The following ADD1 variants were observed in gnomAD, a reference collection of about 807,000 sequenced individuals.
ADD1 encodes the protein adducin 1, also known as alpha-adducin.
A neutral mutation model predicts 80.5 loss-of-function variants in ADD1; 24 were observed. The ratio of observed to expected loss-of-function variants is 0.30; its 90% CI spans 0.22 to 0.42. ADD1 has a LOEUF of 0.42. Ranked by LOEUF, ADD1 falls within the 10% of genes least tolerant of loss-of-function variation. The pLI, the probability that ADD1 is intolerant of heterozygous loss-of-function variation, is 1.00. For missense variants in ADD1, 948 were observed against 1,019.0 expected (o/e 0.93, Z 0.95); for synonymous variants, 373 against 393.8 (o/e 0.95, Z 0.63).
rs1553815102 is a variant in ADD1 at position 2,852,189 on chromosome 4, T to TTTCTTCCTTTCTTCCTTTCTTTC, written c.-21+8165_-21+8166insTTCTTCCTTTCTTCCTTTCTTTC. 2.7e-3 allele frequency among the ~76,000 whole-genome samples: 136 copies of TTTCTTCCTTTCTTCCTTTCTTTC among 50,830 alleles called. 2 individuals are homozygous for TTTCTTCCTTTCTTCCTTTCTTTC. Among genetic ancestry groups the TTTCTTCCTTTCTTCCTTTCTTTC allele is most frequent in the African/African-American group, 8.9e-3 (129 of 14,558 alleles). 33.3% of individuals were successfully genotyped at this position (50,830 alleles called of 152,430 possible). A position where few individuals can be genotyped will look rare whatever the true frequency, so the allele number is the denominator to read the frequency against. On this transcript the variant is annotated intron_variant, in intron 1 of 15. Coordinates refer to ENST00000683351, the MANE Select transcript of ADD1 (RefSeq NM_001354761.2). ...TTCTTTCTTTCTTTCTTTCTTTCTT[T>TTTCTTCCTTTCTTCCTTTCTTTC]CTTTCTTTCCTTTCTTTCCTTTCCT...
intron 14 of ADD1, among the ~76,000 whole-genome samples, chr4:2,919,658 T>C (rs914560008): frequency 2.6e-5 from 4 of 152,236 alleles, no homozygotes; most frequent in African/African-American, 9.6e-5. Flanking sequence ...TGGTAGTTCG[T>C]ATTTCTGTGG....
Position 2,928,453 on chromosome 4 carries a change from C to G in ADD1, c.2330C>G (p.Pro777Arg). ...AGCGATGGGTCTCCAGGCAAGTCCC[C>G]GTCCAAAAAGAAGAAGAAGTTCCGT... is the stretch of plus-strand genomic sequence containing the variant. ...PGSDGSPGKSPSKKKKKFRTP... is the reference protein window; with the variant it reads ...PGSDGSPGKSRSKKKKKFRTP... The change falls in exon 16 of 16, where the codon CCG (proline) becomes CGG (arginine). Residue 777 changes from proline (P) to arginine (R), a missense_variant. Pro to Arg is a moderately radical substitution (Grantham distance 103). Coordinates refer to ENST00000683351, the MANE Select transcript of ADD1 (RefSeq NM_001354761.2). 6.2e-7 allele frequency: 1 copy of G among 1,613,578 alleles called. No individual in the cohort carries two copies. Among genetic ancestry groups the G allele is most frequent in the Non-Finnish European group, 8.5e-7 (1 of 1,179,978 alleles).
intron 13 of ADD1, 84 bp downstream of exon 13, chr4:2,909,515 T>C (rs1237055820): frequency 2.2e-6 from 2 of 922,732 alleles, no homozygotes; most frequent in African/African-American, 1.9e-5. Flanking sequence ...CTTCAGGCAT[T>C]GTCTTAGTTA....
In ADD1 at chr4:2,927,975, G is replaced by A. The variant is rs148879918; in HGVS notation, c.2048-196G>A. On this transcript the variant is annotated intron_variant, in intron 15 of 15. Transcript: ENST00000683351. Reference sequence around the variant, plus strand: ...CAGAAGGAGCTAAAAACTACCCCGAGACTGAGTCTGTATTTTATGATATTA... The same window carrying A: ...CAGAAGGAGCTAAAAACTACCCCGAAACTGAGTCTGTATTTTATGATATTA... Among the ~76,000 whole-genome samples the A allele has an allele frequency of 9.9e-4, 151 of 152,282 alleles. 1 individual carries two copies. The highest frequency in any genetic ancestry group is 3.5e-3 in the Admixed American group (54 of 15,300).
chr4:2,926,072 C>T lies in ADD1; in HGVS notation c.2007C>T (p.Val669=), dbSNP rs1043288879. The T allele has an allele frequency of 1.9e-6, 3 of 1,614,128 alleles. No individual in the cohort carries two copies. The highest frequency in any genetic ancestry group is 2.5e-6 in the Non-Finnish European group (3 of 1,180,000). ...AGAGTCCTCCAGACCAGCCTGCGGT[C>T]CCCCACCCGCCTCCCAGCACTCCCA... The part of the protein sequence containing the change: ...KEKSPPDQPA[V]PHPPPSTPIK... The change falls in exon 15 of 16, where the codon GTC becomes GTT. Residue 669 remains valine (V), a synonymous_variant. Transcript: ENST00000683351. The surrounding 1 kb of genome is among the most constrained non-coding windows in gnomAD (Gnocchi z 5.0).
rs1337036315 is a variant in ADD1, at chr4:2,899,347, C to T, written c.1073C>T (p.Ser358Phe). The change falls in exon 9 of 16, where the codon TCT becomes TTT. Residue 358 changes from serine (S) to phenylalanine (F), a missense_variant. By Grantham distance (155) the Ser-to-Phe change is radical. Coordinates refer to ENST00000683351, the MANE Select transcript of ADD1 (RefSeq NM_001354761.2). ...KYKAKSRSPG[S>F]PVGEGTGSPP... ...AAAGCCAAGTCCCGTTCCCCAGGGT[C>T]TCCGGTAGGGGAAGGCACTGGATCG... The T allele has an allele frequency of 2.5e-6, 4 of 1,614,082 alleles. No homozygotes were observed. Among genetic ancestry groups the T allele is most frequent in the Non-Finnish European group, 2.5e-6 (3 of 1,180,036 alleles).
chr4:2,915,039 A>AG lies in ADD1; in HGVS notation c.1948+1dup. ...TGGAGAGGAAGCAGAAGGGCTCTGAAGGTGAGTGCTTGTGGTCCTGGGCAC... is the reference window on the plus strand; with the variant it reads ...TGGAGAGGAAGCAGAAGGGCTCTGAAGGGTGAGTGCTTGTGGTCCTGGGCAC... On this transcript the variant is annotated frameshift_variant and splice_region_variant, in exon 14 of 16. Transcript: ENST00000683351. LOFTEE classifies it high-confidence loss of function. 2 of 1,610,684 alleles carry AG rather than the reference A, an allele frequency of 1.2e-6. No individual in the cohort carries two copies. Among genetic ancestry groups the AG allele is most frequent in the Non-Finnish European group, 1.7e-6 (2 of 1,178,224 alleles).
At chr4:2,883,644 C>T (rs1354758175) in intron 3 of ADD1, among the ~76,000 whole-genome samples, 1 of 151,908 alleles carries the variant, frequency 6.6e-6, no homozygotes, top group African/African-American at 2.4e-5. Context: ...AGGGATCCTC[C>T]ATGCCTTCCA....
chr4:2,921,138 T>G (rs541793634), intron 14 of ADD1, among the ~76,000 whole-genome samples: 72 of 152,286 alleles, frequency 4.7e-4, no homozygotes, highest in African/African-American at 1.7e-3. Flanking sequence ...GAAAATTCTT[T>G]TTTTTTTGAG....
At chr4:2,920,315 T>A (rs1739786495) in intron 14 of ADD1, among the ~76,000 whole-genome samples, 1 of 152,204 alleles carries the variant, frequency 6.6e-6, no homozygotes, top group Non-Finnish European at 1.5e-5. Flanking sequence ...TTCTGTTGAT[T>A]TGGGGTGGAG....
intron 1 of ADD1, among the ~76,000 whole-genome samples, chr4:2,862,802 T>G (rs182048267): frequency 6.6e-6 from 1 of 152,176 alleles, no homozygotes; most frequent in South Asian, 2.1e-4. Context: ...ATGTAAGAAA[T>G]CTTTGTTTTG....
chr4:2,884,431 TC>T, intron 3 of ADD1, 83 bp from the exon 4 acceptor site: 3 of 1,115,744 alleles, frequency 2.7e-6, no homozygotes, highest in Middle Eastern at 2.1e-4. Flanking sequence ...CTTCAAGTGA[TC>T]CTCCTGCCTT....
At chr4:2,884,018 G>T (rs1732837107) in intron 3 of ADD1, among the ~76,000 whole-genome samples, 3 of 152,132 alleles carry the variant, frequency 2.0e-5, no homozygotes, top group African/African-American at 7.2e-5. Context: ...CTGGCTAGAG[G>T]TTTATCTTAT....
At chr4:2,877,619 C>T (rs1366093587) in intron 2 of ADD1, among the ~76,000 whole-genome samples, 1 of 151,946 alleles carries the variant, frequency 6.6e-6, no homozygotes, top group African/African-American at 2.4e-5. Context: ...AAAGGCTGTT[C>T]TCAGGAGGGA....
chr4:2,927,345 A>G (rs114561448), intron 15 of ADD1, among the ~76,000 whole-genome samples: 139 of 152,322 alleles, frequency 9.1e-4, no homozygotes, highest in African/African-American at 3.2e-3. Context: ...TCCCAAAGGT[A>G]AAGCACTGAG....
chr4:2,864,551 G>A (rs1403200160), intron 1 of ADD1, among the ~76,000 whole-genome samples: 1 of 152,208 alleles, frequency 6.6e-6, no homozygotes, highest in African/African-American at 2.4e-5. Flanking sequence ...TACTCACAGT[G>A]ATGCTTATTA....
chr4:2,855,012 C>T (rs1250515332), intron 1 of ADD1: 1 of 152,180 alleles, frequency 6.6e-6, no homozygotes, highest in Admixed American at 6.5e-5. Flanking sequence ...CTGCATCACT[C>T]CAATCTTTGT....
chr4:2,877,604 G>A (rs1230109042), intron 2 of ADD1, among the ~76,000 whole-genome samples: 1 of 152,006 alleles, frequency 6.6e-6, no homozygotes, highest in Non-Finnish European at 1.5e-5. Context: ...TGTGACTGTG[G>A]TCAGAAAGGC....
At chr4:2,888,439 C>A (rs1227031373) in intron 4 of ADD1, among the ~76,000 whole-genome samples, 3 of 145,240 alleles carry the variant, frequency 2.1e-5, no homozygotes, top group Non-Finnish European at 4.5e-5. Flanking sequence ...TTATTTTAGG[C>A]AGAGTCTCAC....
Sources: allele counts gnomAD v4.1 joint callset (sites outside exome capture counted in the v4.1 genomes callset), GRCh38; gene constraint gnomAD v4.1.1; non-coding constraint Gnocchi (gnomAD v3.1); transcripts MANE v1.5; gene names NCBI Gene and HGNC (gene_info 2026-07-23, HGNC 2026-07-21).